POFUT3: variants seen among roughly 807,000 people sequenced by gnomAD.
POFUT3 encodes the protein GDP-fucose protein O-fucosyltransferase 3.
chr8:33,447,657 T>C, the POFUT3 span, among the ~76,000 whole-genome samples: 6 of 142,038 alleles, frequency 4.2e-5, no homozygotes, highest in Non-Finnish European at 9.2e-5. Context: ...ATTCAGAAAA[T>C]GATTCATCTC....
chr8:33,387,954 T>C, the POFUT3 span, among the ~76,000 whole-genome samples: 1 of 152,220 alleles, frequency 6.6e-6, no homozygotes, highest in African/African-American at 2.4e-5. Flanking sequence ...TCTTTTTCTT[T>C]CAACAAATTT....
the POFUT3 span, among the ~76,000 whole-genome samples, chr8:33,427,155 G>A: frequency 2.5e-4 from 38 of 152,242 alleles, no homozygotes; most frequent in African/African-American, 7.5e-4. Context: ...CATCTAATAC[G>A]GAAGCAAAGG....
chr8:33,410,452 C>T, the POFUT3 span, among the ~76,000 whole-genome samples: 42 of 152,212 alleles, frequency 2.8e-4, no homozygotes, highest in South Asian at 5.2e-3. Flanking sequence ...AGTGTAGCAC[C>T]CACAGGGGAG....
At chr8:33,345,366 T>A in the POFUT3 span, among the ~76,000 whole-genome samples, 2 of 151,740 alleles carry the variant, frequency 1.3e-5, no homozygotes, top group Non-Finnish European at 2.9e-5. Context: ...GATTTTCTTA[T>A]GACAATTAAT....
At chr8:33,351,443 G>A in the POFUT3 span, among the ~76,000 whole-genome samples, 31,574 of 151,860 alleles carry the variant, frequency 0.21, 3,842 homozygotes, top group South Asian at 0.51. Context: ...GGGAGTCGGC[G>A]GGGGGCAGGG....
At chr8:33,381,862 T>C in the POFUT3 span, among the ~76,000 whole-genome samples, 1 of 152,218 alleles carries the variant, frequency 6.6e-6, no homozygotes, top group Non-Finnish European at 1.5e-5. Context: ...ACAAAGCTTA[T>C]TCCTTTAATA....
chr8:33,417,132 C>T, the POFUT3 span, among the ~76,000 whole-genome samples: 1 of 152,170 alleles, frequency 6.6e-6, no homozygotes, highest in African/African-American at 2.4e-5. Flanking sequence ...ATTAGATTCT[C>T]ACAGAAGCAT....
the POFUT3 span, among the ~76,000 whole-genome samples, chr8:33,349,298 T>C: frequency 6.6e-6 from 1 of 152,224 alleles, no homozygotes; most frequent in African/African-American, 2.4e-5. Context: ...AAAATTTTTT[T>C]TGATAGTTTT....
chr8:33,316,444 G>C, the POFUT3 span, among the ~76,000 whole-genome samples: 1 of 152,010 alleles, frequency 6.6e-6, no homozygotes, highest in Non-Finnish European at 1.5e-5. Context: ...ATTTTAGCCA[G>C]GCACGGTGGC....
chr8:33,418,270 C>A, the POFUT3 span, among the ~76,000 whole-genome samples: 1 of 152,138 alleles, frequency 6.6e-6, no homozygotes, highest in Admixed American at 6.6e-5. Flanking sequence ...CATAGCACAG[C>A]CTCCACGCAC....
At chr8:33,433,031 C>A in the POFUT3 span, among the ~76,000 whole-genome samples, 21 of 151,912 alleles carry the variant, frequency 1.4e-4, no homozygotes. Flanking sequence ...GTCAGGAGTT[C>A]AAGACCAGCC....
At chr8:33,389,056 C>T in the POFUT3 span, 4 of 1,614,096 alleles carry the variant, frequency 2.5e-6, no homozygotes, top group Non-Finnish European at 3.4e-6. Context: ...CTTGCACTCC[C>T]CATTTCCGTT....
At chr8:33,311,809 T>C in the POFUT3 span, among the ~76,000 whole-genome samples, 1 of 152,136 alleles carries the variant, frequency 6.6e-6, no homozygotes, top group Non-Finnish European at 1.5e-5. Context: ...GTTTTTGTGG[T>C]GGATAGAATC....
At chr8:33,443,121 AAAAG>A in the POFUT3 span, among the ~76,000 whole-genome samples, 8 of 152,302 alleles carry the variant, frequency 5.3e-5, no homozygotes, top group African/African-American at 1.4e-4. Context: ...TACGAAAAAG[AAAAG>A]AAAGAAAGAA....
chr8:33,401,506 A>C, the POFUT3 span, among the ~76,000 whole-genome samples: 1 of 152,352 alleles, frequency 6.6e-6, no homozygotes, highest in Admixed American at 6.5e-5. Context: ...TTTAAAAAGA[A>C]AATAAATATT....
the POFUT3 span, among the ~76,000 whole-genome samples, chr8:33,319,344 A>G: frequency 1.2e-5 from 1 of 80,152 alleles, no homozygotes; most frequent in Non-Finnish European, 2.2e-5. Context: ...ATATGTAAAT[A>G]TATTTTATAT....
the POFUT3 span, among the ~76,000 whole-genome samples, chr8:33,418,237 C>T: frequency 2.0e-5 from 3 of 152,124 alleles, no homozygotes; most frequent in African/African-American, 7.2e-5. Context: ...ATCCCACTGG[C>T]CCCACAACCA....
chr8:33,454,948 G>A, the POFUT3 span, among the ~76,000 whole-genome samples: 1 of 152,116 alleles, frequency 6.6e-6, no homozygotes, highest in Non-Finnish European at 1.5e-5. Flanking sequence ...TTACAGGCAT[G>A]AGCCACCACG....
the POFUT3 span, among the ~76,000 whole-genome samples, chr8:33,393,156 T>G: frequency 6.6e-6 from 1 of 152,214 alleles, no homozygotes; most frequent in Admixed American, 6.5e-5. Flanking sequence ...CAATGCCTAC[T>G]GTAACAAGAG....
Sources: gnomAD v4.1 joint callset for allele counts (sites outside exome capture counted in the v4.1 genomes callset) on GRCh38, gnomAD v4.1.1 for gene constraint, MANE v1.5 for transcripts, NCBI Gene and HGNC (gene_info 2026-07-23, HGNC 2026-07-21) for gene names.